Variants in PIK3R1 observed in about 807,000 individuals in gnomAD.
The protein encoded by PIK3R1 is phosphoinositide-3-kinase regulatory subunit 1.
Under a neutral mutation model 98.0 loss-of-function variants are expected in PIK3R1, and 29 were observed. That is an observed-to-expected ratio of 0.30 (90% CI 0.22 to 0.40). The LOEUF is 0.40. Ranked by LOEUF, PIK3R1 falls within the 10% of genes least tolerant of loss-of-function variation. The probability of loss-of-function intolerance (pLI) is 1.00; values close to 1 mark genes in which losing one functional copy is unlikely to be tolerated. For synonymous variants in PIK3R1, 282 were observed against 311.8 expected, an observed-to-expected ratio of 0.90 and a Z score of 1.01; for missense variants, 596 against 872.7, an observed-to-expected ratio of 0.68 and a Z score of 3.99.
Position 68,293,831 on chromosome 5 carries a change from C to T in PIK3R1, c.1422C>T (p.Ser474=), listed in dbSNP as rs1018837470. Residue 474 remains serine, a synonymous_variant, in exon 11 of 16, where the codon TCC becomes TCT. Transcript: ENST00000521381. ...DRLYEEYTRT[S]QEIQMKRTAI... ...TATATGAAGAATATACCCGCACATCCCAGGTGAGTTTTCTATGAAAATCAG... is the reference window on the plus strand; with the variant it reads ...TATATGAAGAATATACCCGCACATCTCAGGTGAGTTTTCTATGAAAATCAG... The T allele has an allele frequency of 2.2e-5, 35 of 1,557,608 alleles. No individual in the cohort carries two copies. Among genetic ancestry groups the T allele is most frequent in the Non-Finnish European group, 3.0e-5 (35 of 1,157,136 alleles).
intron 3 of PIK3R1, 85 bp from the exon 4 acceptor site, chr5:68,273,854 C>T: frequency 1.0e-6 from 1 of 999,582 alleles, no homozygotes; most frequent in Non-Finnish European, 1.6e-6. Context: ...TGGATGGAAA[C>T]TGGAATGTCT....
At chr5:68,289,447 C>A (rs1216305280) in intron 7 of PIK3R1, among the ~76,000 whole-genome samples, 1 of 151,986 alleles carries the variant, frequency 6.6e-6, no homozygotes, top group African/African-American at 2.4e-5. Context: ...TACAGAAAGT[C>A]TCAAGGGTTT....
rs190576479 is a variant in PIK3R1, at chr5:68,240,995, A to G, written c.334+13986A>G. Among the ~76,000 whole-genome samples, 154 of 152,314 alleles carry G rather than the reference A, an allele frequency of 1.0e-3. 1 individual carries two copies. Among genetic ancestry groups the G allele is most frequent in the Non-Finnish European group, 1.1e-3 (73 of 68,026 alleles). On this transcript the variant is annotated intron_variant, in intron 2 of 15. Transcript: ENST00000521381. ...TCTTGATTCAGTGGACTCCTAAGGGACCATCTTTCACCAGCACCAAATGCT... is the reference window on the plus strand; with the variant it reads ...TCTTGATTCAGTGGACTCCTAAGGGGCCATCTTTCACCAGCACCAAATGCT...
chr5:68,279,176 C>T (rs1746712637), intron 4 of PIK3R1, among the ~76,000 whole-genome samples: 2 of 152,144 alleles, frequency 1.3e-5, no homozygotes, highest in South Asian at 4.1e-4. Context: ...CTAATGGCCT[C>T]ATTTTAACTT....
intron 7 of PIK3R1, among the ~76,000 whole-genome samples, chr5:68,282,749 G>A (rs1746903360): frequency 6.6e-6 from 1 of 152,196 alleles, no homozygotes; most frequent in Admixed American, 6.5e-5. Context: ...TGTTTCAAAG[G>A]AGGATTAGTT....
intron 12 of PIK3R1, 41 bp from the exon 13 acceptor site, chr5:68,295,107 A>G (rs944161061): frequency 6.4e-7 from 1 of 1,563,096 alleles, no homozygotes; most frequent in South Asian, 1.1e-5. Context: ...ACCGTTCCTG[A>G]TGTACCCAGA....
intron 2 of PIK3R1, among the ~76,000 whole-genome samples, chr5:68,272,598 T>C (rs535371816): frequency 2.0e-5 from 3 of 152,376 alleles, no homozygotes; most frequent in Non-Finnish European, 2.9e-5. Context: ...TGTTGAAGAA[T>C]GTTATTTATG....
At chr5:68,277,829 G>A (rs1051802333) in intron 4 of PIK3R1, among the ~76,000 whole-genome samples, 1 of 152,112 alleles carries the variant, frequency 6.6e-6, no homozygotes, top group Non-Finnish European at 1.5e-5. Context: ...CCTTGATTCA[G>A]AGAACTAAAT....
chr5:68,296,102 G>A, intron 14 of PIK3R1, 69 bp from the exon 15 acceptor site: 14 of 1,489,252 alleles, frequency 9.4e-6, no homozygotes, highest in Non-Finnish European at 1.3e-5. Context: ...GTATGCCTAG[G>A]GAAGACAGCA....
At chr5:68,294,998 C>T in intron 12 of PIK3R1, 150 bp from the exon 13 acceptor site, 1 of 443,978 alleles carries the variant, frequency 2.3e-6, no homozygotes, top group Non-Finnish European at 3.9e-6. Context: ...ATATGTTGAG[C>T]CACTCCAAAA....
rs1744299719 is a variant in PIK3R1, at chr5:68,226,921, C to G, written c.246C>G (p.Ile82Met). Residue 82 changes from isoleucine (I) to methionine (M), a missense_variant, in exon 2 of 16, where the codon ATC becomes ATG. This residue lies in a region of PIK3R1 where 352 missense variants were observed against 393.3 expected (regional missense o/e 0.90). Transcript: ENST00000521381. The part of the protein sequence containing the change: ...TYVEYIGRKK[I>M]SPPTPKPRPP... ...TAGAATATATTGGAAGGAAAAAAAT[C>G]TCGCCTCCCACACCAAAGCCCCGGC... is the stretch of plus-strand genomic sequence containing the variant. The G allele has an allele frequency of 6.2e-7, 1 of 1,613,990 alleles. No homozygotes were observed.
chr5:68,227,899 G>A (rs1380648345), intron 2 of PIK3R1, among the ~76,000 whole-genome samples: 1 of 152,230 alleles, frequency 6.6e-6, no homozygotes, highest in Non-Finnish European at 1.5e-5. Context: ...GCTTATTGGA[G>A]ATGGTCCATA....
chr5:68,272,758 A>G lies in PIK3R1; in HGVS notation c.335-632A>G, dbSNP rs187016390. Among the ~76,000 whole-genome samples the G allele has an allele frequency of 1.2e-4, 19 of 152,326 alleles. No individual in the cohort carries two copies. In the East Asian group the frequency reaches 3.5e-3, roughly 28 times the overall value. On this transcript the variant is annotated intron_variant, in intron 2 of 15. Transcript: ENST00000521381. ...CAAAGTTATACAGAAATTTATTTTG[A>G]TATCAAGTGGGCAGTGATCATTCAT... is the stretch of plus-strand genomic sequence containing the variant.
chr5:68,300,922 AGT>A lies in PIK3R1; in HGVS notation c.*3326_*3327del, dbSNP rs1176734286. ...GCTTAGCTTGGAAATCCTTGTTTTCAGTGTGTCGAGTCAAAATGTGTTTATGT... is the reference window on the plus strand; with the variant it reads ...GCTTAGCTTGGAAATCCTTGTTTTCAGTGTCGAGTCAAAATGTGTTTATGT... On this transcript the variant is annotated 3_prime_UTR_variant, in exon 16 of 16. Transcript: ENST00000521381. The A allele has an allele frequency of 8.6e-6, 2 of 233,226 alleles. No individual in the cohort carries two copies. Among genetic ancestry groups the A allele is most frequent in the South Asian group, 1.8e-4 (1 of 5,532 alleles). The allele number at this position is 233,226 out of a possible 1,614,324, so 14.4% of individuals were successfully genotyped here.
intron 2 of PIK3R1, among the ~76,000 whole-genome samples, chr5:68,233,559 TA>T (rs1163586232): frequency 1.3e-5 from 2 of 152,238 alleles, no homozygotes; most frequent in African/African-American, 2.4e-5. Flanking sequence ...AATATCAGAC[TA>T]CTTTATAAAT....
At chr5:68,231,873 T>C (rs1330350334) in intron 2 of PIK3R1, among the ~76,000 whole-genome samples, 1 of 152,248 alleles carries the variant, frequency 6.6e-6, no homozygotes, top group East Asian at 1.9e-4. Flanking sequence ...TGGTGCTGAC[T>C]GCTCATTCTG....
chr5:68,232,771 TTC>T (rs756367277), intron 2 of PIK3R1, among the ~76,000 whole-genome samples: 1 of 152,224 alleles, frequency 6.6e-6, no homozygotes, highest in Non-Finnish European at 1.5e-5. Flanking sequence ...TCTTTCTGTG[TTC>T]TTTTTTCAAA....
chr5:68,280,579 C>G lies in PIK3R1; in HGVS notation c.686C>G (p.Ser229Trp), dbSNP rs201598843. ...YIQLLKKLIR[S>W]PSIPHQYWLT... ...CAGCTATTGAAGAAGCTTATTAGGT[C>G]GCCTAGCATACCTCATCAGTATTGG... The change falls in exon 6 of 16, where the codon TCG becomes TGG. Residue 229 changes from serine (S) to tryptophan (W), a missense_variant. Ser to Trp is a radical substitution (Grantham distance 177). Around this residue, in one of 3 missense-constraint regions of PIK3R1, gnomAD observed 352 missense variants for 393.3 expected, o/e 0.90. Transcript: ENST00000521381. 5.0e-6 allele frequency: 8 copies of G among 1,612,360 alleles called. No homozygotes were observed. In the South Asian group the frequency reaches 5.5e-5, roughly 11 times the overall value.
chr5:68,228,786 T>G (rs1458789750), intron 2 of PIK3R1, among the ~76,000 whole-genome samples: 1 of 152,182 alleles, frequency 6.6e-6, no homozygotes. Context: ...ACAAAACAAT[T>G]TTATAAAAGC....
Sources: gnomAD v4.1 joint callset for allele counts (sites outside exome capture counted in the v4.1 genomes callset) on GRCh38, gnomAD v4.1.1 for gene constraint, gnomAD v4.1.1 regional missense constraint, MANE v1.5 for transcripts, NCBI Gene and HGNC (gene_info 2026-07-23, HGNC 2026-07-21) for gene names.